SHANK2: variants seen among roughly 807,000 people sequenced by gnomAD.
SHANK2 encodes the protein SH3 and multiple ankyrin repeat domains 2, also known as SH3 and multiple ankyrin repeat domains protein 2.
In SHANK2, 43 loss-of-function variants were observed where a neutral mutation model predicts 133.7. The ratio of observed to expected loss-of-function variants is 0.32; its 90% CI spans 0.25 to 0.41. The LOEUF is 0.41. SHANK2 is among the 10% of genes least tolerant of loss of function. The pLI is 1.00. For synonymous variants in SHANK2, 1,017 were observed against 952.8 expected (o/e 1.07, Z -1.24); for missense variants, 1,994 against 2,235.8 (o/e 0.89, Z 2.18).
rs1273764222 is a variant in SHANK2, at chr11:71,108,043, G to A, written c.592+1898C>T. Among the ~76,000 whole-genome samples, 4 of 152,354 alleles carry A rather than the reference G, an allele frequency of 2.6e-5. No homozygotes were observed. The East Asian group carries it at 7.7e-4, about 29-fold the overall frequency. ...ACATAAGTGGCTCTGCCAGGGTGGT[G>A]AGAGCCACGGCCAAAGGCTGCCTCC... On this transcript the variant is annotated intron_variant, in intron 6 of 25. Coordinates refer to ENST00000601538, the MANE Select transcript of SHANK2 (RefSeq NM_012309.5).
At chr11:70,879,833 C>T (rs1021468689) in intron 11 of SHANK2, among the ~76,000 whole-genome samples, 11 of 152,292 alleles carry the variant, frequency 7.2e-5, no homozygotes, top group Admixed American at 7.2e-4. Context: ...TGCTTCCAGG[C>T]CTGGAGAGCC....
At chr11:70,540,067 G>T (rs759276736) in intron 17 of SHANK2, among the ~76,000 whole-genome samples, 1 of 152,108 alleles carries the variant, frequency 6.6e-6, no homozygotes, top group African/African-American at 2.4e-5. Context: ...AGTAGATCAG[G>T]GGCTGCCCTA....
intron 17 of SHANK2, among the ~76,000 whole-genome samples, chr11:70,633,203 T>G (rs2061023589): frequency 6.7e-6 from 1 of 148,422 alleles, no homozygotes; most frequent in Non-Finnish European, 1.5e-5. Context: ...TGTTATATTT[T>G]TATATATGTA....
At chr11:70,661,905 G>T in intron 15 of SHANK2, 2 of 1,214,896 alleles carry the variant, frequency 1.6e-6, no homozygotes, top group Middle Eastern at 2.7e-4. Context: ...GCAGGGTGGG[G>T]GCAGGCAGAG....
At chr11:71,116,131 G>A (rs1466253318) in intron 4 of SHANK2, among the ~76,000 whole-genome samples, 2 of 152,162 alleles carry the variant, frequency 1.3e-5, no homozygotes, top group African/African-American at 4.8e-5. Context: ...ACTGAGAAAC[G>A]TGCAGACGCG....
intron 11 of SHANK2, among the ~76,000 whole-genome samples, chr11:70,889,857 A>G (rs1405667566): frequency 1.3e-5 from 2 of 152,168 alleles, no homozygotes; most frequent in African/African-American, 4.8e-5. Flanking sequence ...GCTCCTGGGA[A>G]TGGAGGATGG....
At chr11:70,504,413 T>C (rs949697428) in intron 17 of SHANK2, among the ~76,000 whole-genome samples, 2 of 150,560 alleles carry the variant, frequency 1.3e-5, no homozygotes, top group African/African-American at 4.9e-5. Flanking sequence ...ACGAGACGGC[T>C]GCAGAGGTCC....
At chr11:70,563,314 C>T (rs1055820120) in intron 17 of SHANK2, among the ~76,000 whole-genome samples, 4 of 152,320 alleles carry the variant, frequency 2.6e-5, no homozygotes, top group Admixed American at 6.5e-5. Flanking sequence ...TCTACCACTT[C>T]GTGTACAATA....
chr11:70,885,445 G>A (rs188626749), intron 11 of SHANK2, among the ~76,000 whole-genome samples: 23 of 152,360 alleles, frequency 1.5e-4, no homozygotes, highest in Non-Finnish European at 2.2e-4. Flanking sequence ...CAGCAGCCAC[G>A]TGTCCACTGT....
At chr11:70,850,061 G>A (rs1267316484) in intron 11 of SHANK2, among the ~76,000 whole-genome samples, 1 of 151,956 alleles carries the variant, frequency 6.6e-6, no homozygotes, top group Non-Finnish European at 1.5e-5. Flanking sequence ...TGAATCTGAC[G>A]ACTCTAGGGA....
intron 12 of SHANK2, among the ~76,000 whole-genome samples, chr11:70,810,228 G>A (rs1555052898): frequency 1.3e-5 from 2 of 152,184 alleles, no homozygotes; most frequent in African/African-American, 2.4e-5. Flanking sequence ...GCTGATGAAC[G>A]CAACAGCAGC....
chr11:70,771,278 C>T (rs1374172085), intron 14 of SHANK2, among the ~76,000 whole-genome samples: 7 of 152,156 alleles, frequency 4.6e-5, no homozygotes, highest in East Asian at 1.9e-4. Context: ...CACACCATCG[C>T]GAAGGAGTGA....
At chr11:70,886,525 G>A (rs1259755518) in intron 11 of SHANK2, among the ~76,000 whole-genome samples, 2 of 152,182 alleles carry the variant, frequency 1.3e-5, no homozygotes, top group African/African-American at 4.8e-5. Context: ...ATCATCATTT[G>A]TGTCTCATTG....
At chr11:70,716,901 C>CG (rs1334370810) in intron 14 of SHANK2, among the ~76,000 whole-genome samples, 2 of 149,524 alleles carry the variant, frequency 1.3e-5, no homozygotes, top group South Asian at 2.2e-4. Context: ...CGGAGCCCCC[C>CG]CCCCGCCCAA....
chr11:71,248,047 A>G (rs1954985862), intron 1 of SHANK2, among the ~76,000 whole-genome samples: 1 of 152,230 alleles, frequency 6.6e-6, no homozygotes, highest in Non-Finnish European at 1.5e-5. Flanking sequence ...CATCCCCGGC[A>G]TATGTGCATC....
At chr11:70,834,837 G>A (rs1363337505) in intron 11 of SHANK2, among the ~76,000 whole-genome samples, 2 of 152,128 alleles carry the variant, frequency 1.3e-5, no homozygotes, top group African/African-American at 4.8e-5. Context: ...GGAAAATCGG[G>A]GTGAGGGCAC....
chr11:70,954,442 T>G (rs1266260283), intron 10 of SHANK2, among the ~76,000 whole-genome samples: 6 of 152,168 alleles, frequency 3.9e-5, no homozygotes, highest in Admixed American at 3.9e-4. Flanking sequence ...ATGCGTGGCA[T>G]GAGAAAATGT....
chr11:70,696,629 G>A (rs1203298064), intron 15 of SHANK2, among the ~76,000 whole-genome samples: 3 of 152,224 alleles, frequency 2.0e-5, no homozygotes, highest in African/African-American at 4.8e-5. Context: ...CAAAGTGGGC[G>A]AGTGTAGCAA....
At chr11:71,079,151 C>T (rs1951258611) in intron 8 of SHANK2, among the ~76,000 whole-genome samples, 1 of 152,244 alleles carries the variant, frequency 6.6e-6, no homozygotes, top group Admixed American at 6.5e-5. Flanking sequence ...GCACAGCATC[C>T]TTTCTAAGGC....
Sources: gnomAD v4.1 joint callset for allele counts (sites outside exome capture counted in the v4.1 genomes callset) on GRCh38, gnomAD v4.1.1 for gene constraint, MANE v1.5 for transcripts, NCBI Gene and HGNC (gene_info 2026-07-23, HGNC 2026-07-21) for gene names.